The following RTEL1 variants were observed in gnomAD, a reference collection of about 807,000 sequenced individuals.
RTEL1 encodes regulator of telomere elongation helicase 1.
RTEL1 carries 86 observed loss-of-function variants against 162.2 expected under a neutral mutation model. The ratio of observed to expected loss-of-function variants is 0.53; its 90% CI spans 0.45 to 0.63. RTEL1 has a LOEUF of 0.63. Ranked by LOEUF, RTEL1 falls within the 30% of genes least tolerant of loss-of-function variation. The pLI, the probability that RTEL1 is intolerant of heterozygous loss-of-function variation, is 0.00. For synonymous variants in RTEL1, 958 were observed against 717.9 expected (o/e 1.33, Z -5.35); for missense variants, 1,941 against 1,750.2 (o/e 1.11, Z -1.95).
chr20:63,694,252 T>G, intron 30 of RTEL1, 120 bp from the exon 31 acceptor site: 2 of 851,820 alleles, frequency 2.3e-6, no homozygotes, highest in South Asian at 2.9e-5. Context: ...CCTGCCTGGG[T>G]TTTCCCGCCC....
chr20:63,676,803 T>C (rs3787097), intron 10 of RTEL1, among the ~76,000 whole-genome samples: 87,744 of 151,662 alleles, frequency 0.58, 25,733 homozygotes, highest in African/African-American at 0.62. Context: ...GGTGTGGTGG[T>C]GCATGCTTGT....
At chr20:63,693,450 A>C (rs1289362294) in intron 30 of RTEL1, among the ~76,000 whole-genome samples, 167 bp downstream of exon 30, 1 of 81,436 alleles carries the variant, frequency 1.2e-5, no homozygotes. Context: ...CACCAGCAGC[A>C]CCACCTCCAC....
chr20:63,668,526 T>C lies in RTEL1; in HGVS notation c.699+973T>C, dbSNP rs1269080861. On this transcript the variant is annotated intron_variant, in intron 8 of 34. Transcript: ENST00000360203. This position sits in a 1 kb window ranked among gnomAD's most constrained non-coding sequence, Gnocchi z 4.3. ...CCGAGCCAAGCGGGCCCAAGTGCGA[T>C]GTCGGCGGGAGGTGGGGAATGCTGG... Among the ~76,000 whole-genome samples, 4 of 152,034 alleles carry C rather than the reference T, an allele frequency of 2.6e-5. No homozygotes were observed. The South Asian group carries it at 6.2e-4, about 24-fold the overall frequency.
intron 28 of RTEL1, chr20:63,692,474 T>G: frequency 2.5e-6 from 1 of 400,858 alleles, no homozygotes. Context: ...CTCAGCCGCA[T>G]CCGCTGTGGG....
chr20:63,663,862 G>A (rs141513617), intron 6 of RTEL1, among the ~76,000 whole-genome samples: 4 of 152,274 alleles, frequency 2.6e-5, no homozygotes, highest in East Asian at 3.9e-4. Flanking sequence ...TATTTAGGGC[G>A]GCGCTCCCCT....
intron 10 of RTEL1, among the ~76,000 whole-genome samples, chr20:63,676,805 C>T (rs3787096): frequency 2.0e-5 from 3 of 151,756 alleles, no homozygotes; most frequent in African/African-American, 7.2e-5. Flanking sequence ...TGTGGTGGTG[C>T]ATGCTTGTAA....
chr20:63,695,995 G>A lies in RTEL1; in HGVS notation c.*137G>A, dbSNP rs751474742. On this transcript the variant is annotated 3_prime_UTR_variant, in exon 35 of 35. Transcript: ENST00000360203. ...GGCCCGCTGCAGGCCTCAGGCAGGC[G>A]GGGCCCATGGTTGGTCCCTGCGGTG... 14 of 850,980 alleles carry A rather than the reference G, an allele frequency of 1.6e-5. No individual in the cohort carries two copies. Among genetic ancestry groups the A allele is most frequent in the South Asian group, 5.1e-5 (3 of 58,700 alleles). The allele number at this position is 850,980 out of a possible 1,614,324, so 52.7% of individuals were successfully genotyped here.
chr20:63,682,444 C>T (rs1488153472), intron 14 of RTEL1: 17 of 985,800 alleles, frequency 1.7e-5, no homozygotes, highest in South Asian at 4.7e-5. Context: ...CACTCTGGAA[C>T]CGGATCCTGG....
At position 63,692,882 on chromosome 20, in the gene RTEL1, C is replaced by T. The variant is rs1200841323; in HGVS notation, c.2730C>T (p.Ala910=). The T allele has an allele frequency of 4.3e-6, 7 of 1,612,662 alleles. No individual in the cohort carries two copies. Among genetic ancestry groups the T allele is most frequent in the Non-Finnish European group, 5.9e-6 (7 of 1,179,872 alleles). ...CCGTGAAGCAGGAGTTGAGCCAAGC[C>T]AACTTTGCCACCTTCACCCAGGCCC... The part of the protein sequence containing the change: ...MVAVKQELSQ[A]NFATFTQALQ... Residue 910 remains alanine, a synonymous_variant, in exon 29 of 35, where the codon GCC becomes GCT. Transcript: ENST00000360203.
Position 63,694,849 on chromosome 20 carries a change from C to G in RTEL1, c.3218C>G (p.Ser1073Cys), listed in dbSNP as rs763914434. The G allele has an allele frequency of 6.2e-7, 1 of 1,612,626 alleles. No individual in the cohort carries two copies. The highest frequency in any genetic ancestry group is 1.1e-5 in the South Asian group (1 of 91,076). Residue 1073 changes from serine (S) to cysteine (C), a missense_variant, in exon 32 of 35, where the codon TCC (serine) becomes TGC (cysteine). Transcript: ENST00000360203. ...YLADARRALG[S>C]AGCSQLLAAL... ...GCTGATGCCCGCAGGGCCCTGGGGT[C>G]CGCGGGCTGTAGCCAACTCTTGGCA...
rs2090180768 is a variant in RTEL1, at chr20:63,668,298, C to T, written c.699+745C>T. Reference sequence around the variant, plus strand: ...ACGTGACGATGGCGTGGTGACGTTTCCAGATCCCGTCGTTGGTTCGCTCAT... The same window carrying T: ...ACGTGACGATGGCGTGGTGACGTTTTCAGATCCCGTCGTTGGTTCGCTCAT... On this transcript the variant is annotated intron_variant, in intron 8 of 34. Coordinates refer to ENST00000360203, the MANE Select transcript of RTEL1 (RefSeq NM_001283009.2). This position sits in a 1 kb window ranked among gnomAD's most constrained non-coding sequence, Gnocchi z 4.3. Among the ~76,000 whole-genome samples, 2 of 152,166 alleles carry T rather than the reference C, an allele frequency of 1.3e-5. No individual in the cohort carries two copies. The highest frequency in any genetic ancestry group is 4.8e-5 in the African/African-American group (2 of 41,432).
At chr20:63,694,140 G>A (rs146396198) in intron 30 of RTEL1, among the ~76,000 whole-genome samples, 88 of 152,204 alleles carry the variant, frequency 5.8e-4, no homozygotes, top group African/African-American at 1.9e-3. Context: ...CCCAGCCTAC[G>A]GCTCTGAGCT....
chr20:63,665,494 G>T (rs75274193), intron 6 of RTEL1, among the ~76,000 whole-genome samples: 1 of 152,246 alleles, frequency 6.6e-6, no homozygotes, highest in African/African-American at 2.4e-5. Context: ...GCAGAGGGGA[G>T]TGGGCCACTG....
intron 17 of RTEL1, 21 bp from the exon 18 acceptor site, chr20:63,687,916 G>C: frequency 6.2e-7 from 1 of 1,610,088 alleles, no homozygotes; most frequent in South Asian, 1.1e-5. Context: ...CCCACTGTCT[G>C]CTCCCTCTGG....
At chr20:63,660,638 T>A (rs1241375462) in intron 2 of RTEL1, 1 of 152,874 alleles carries the variant, frequency 6.5e-6, no homozygotes, top group Non-Finnish European at 1.5e-5. Context: ...CCTTTCTACA[T>A]AGACACAGTA....
intron 7 of RTEL1, 105 bp from the exon 8 acceptor site, chr20:63,667,364 C>A: frequency 1.1e-6 from 1 of 889,762 alleles, no homozygotes; most frequent in Non-Finnish European, 1.9e-6. Flanking sequence ...CACCTGGGCC[C>A]TACGTGCAGG....
chr20:63,662,418 G>A (rs1401118622), intron 4 of RTEL1, 128 bp from the exon 5 acceptor site: 4 of 1,553,186 alleles, frequency 2.6e-6, no homozygotes, highest in Non-Finnish European at 3.5e-6. Flanking sequence ...CCCGGGCCAC[G>A]TTTCAGTTAT....
Position 63,661,737 on chromosome 20 carries a change from G to T in RTEL1, c.302-113G>T, listed in dbSNP as rs1435436536. 2 of 993,198 alleles carry T rather than the reference G, an allele frequency of 2.0e-6. No individual in the cohort carries two copies. Among genetic ancestry groups the T allele is most frequent in the Non-Finnish European group, 1.6e-6 (1 of 637,698 alleles). 61.5% of individuals were successfully genotyped at this position (993,198 alleles called of 1,614,324 possible). A position where few individuals can be genotyped will look rare whatever the true frequency, so the allele number is the denominator to read the frequency against. On this transcript the variant is annotated intron_variant, in intron 3 of 34. Coordinates refer to ENST00000360203, the MANE Select transcript of RTEL1 (RefSeq NM_001283009.2). The surrounding 1 kb of genome is among the most constrained non-coding windows in gnomAD (Gnocchi z 5.1). ...CATTTTTGATAAACCAGTATCTGGG[G>T]TGTCAGATTCTTGGCTGTCTGCAGG...
At chr20:63,689,449 A>T in intron 22 of RTEL1, 53 bp from the exon 23 acceptor site, 1 of 1,469,962 alleles carries the variant, frequency 6.8e-7, no homozygotes, top group Non-Finnish European at 9.0e-7. Flanking sequence ...GGGTGTGGGC[A>T]CCAGGGAGAG....
Sources: allele counts gnomAD v4.1 joint callset (sites outside exome capture counted in the v4.1 genomes callset), GRCh38; gene constraint gnomAD v4.1.1; non-coding constraint Gnocchi (gnomAD v3.1); transcripts MANE v1.5; gene names NCBI Gene and HGNC (gene_info 2026-07-23, HGNC 2026-07-21).